The following CADM2 variants were observed in gnomAD, a reference collection of about 807,000 sequenced individuals.
CADM2 encodes cell adhesion molecule 2.
In CADM2, 12 loss-of-function variants were observed where a neutral mutation model predicts 49.8. The observed-to-expected ratio is 0.24, with a 90% CI of 0.15 to 0.39. The LOEUF is 0.39. Among genes scored for constraint, CADM2 ranks in the 10% least tolerant of loss-of-function variants. CADM2 has a pLI of 1.00. For missense variants in CADM2, 378 were observed against 492.3 expected (o/e 0.77, Z 2.20); for synonymous variants, 214 against 175.4 (o/e 1.22, Z -1.74).
intron 1 of CADM2, among the ~76,000 whole-genome samples, chr3:84,972,954 G>A (rs1047949114): frequency 6.6e-5 from 10 of 151,578 alleles, no homozygotes; most frequent in South Asian, 4.2e-4. Context: ...TTGCTCTGTC[G>A]CCCAGGCTAG....
rs76120023 is a variant in CADM2 at position 85,289,922 on chromosome 3, G to A, written c.61+330254G>A. Among the ~76,000 whole-genome samples the A allele has an allele frequency of 9.4e-4, 143 of 152,264 alleles. 2 individuals are homozygous for A. The Middle Eastern group carries it at 0.024, about 25-fold the overall frequency. On this transcript the variant is annotated intron_variant, in intron 1 of 9. Coordinates refer to ENST00000383699, the MANE Select transcript of CADM2 (RefSeq NM_001167675.2). The stretch of plus-strand genomic sequence containing the variant: ...TTAACTAAGGTTATATATCTAAGAA[G>A]TAGTAAATGGAGGAGCCAAGATGGC...
intron 1 of CADM2, among the ~76,000 whole-genome samples, chr3:85,241,164 A>G (rs2107835678): frequency 6.6e-6 from 1 of 151,686 alleles, no homozygotes; most frequent in African/African-American, 2.4e-5. Flanking sequence ...AGATTGACAG[A>G]AAAGCAACAA....
intron 5 of CADM2, among the ~76,000 whole-genome samples, chr3:85,911,282 A>G (rs1717550118): frequency 6.6e-6 from 1 of 152,158 alleles, no homozygotes; most frequent in Admixed American, 6.5e-5. Context: ...CTTATCAGCT[A>G]CTTCAGACTT....
intron 8 of CADM2, among the ~76,000 whole-genome samples, chr3:86,029,960 G>A (rs564133236): frequency 6.6e-6 from 1 of 152,018 alleles, no homozygotes; most frequent in African/African-American, 2.4e-5. Context: ...CTTTCTGAAA[G>A]CAAGCAGAGG....
intron 1 of CADM2, among the ~76,000 whole-genome samples, chr3:84,966,213 G>T (rs973640894): frequency 1.3e-5 from 2 of 152,050 alleles, no homozygotes; most frequent in Admixed American, 1.3e-4. Flanking sequence ...CTTAAGTAGG[G>T]ATCAGTTAAA....
At chr3:85,484,554 G>T (rs2039341794) in intron 1 of CADM2, among the ~76,000 whole-genome samples, 1 of 151,816 alleles carries the variant, frequency 6.6e-6, no homozygotes, top group South Asian at 2.1e-4. Flanking sequence ...AGTTATTCTA[G>T]TTTAGGGGGC....
intron 1 of CADM2, among the ~76,000 whole-genome samples, chr3:85,102,139 C>T (rs2038038037): frequency 6.6e-6 from 1 of 152,188 alleles, no homozygotes; most frequent in Admixed American, 6.5e-5. Flanking sequence ...CTTAATCTGG[C>T]TCAGAGCTCC....
chr3:85,263,708 A>G (rs535105357), intron 1 of CADM2, among the ~76,000 whole-genome samples: 1 of 152,204 alleles, frequency 6.6e-6, no homozygotes, highest in Non-Finnish European at 1.5e-5. Context: ...TAATTACATC[A>G]ATATCAACCT....
chr3:85,177,580 T>G (rs1484477443), intron 1 of CADM2, among the ~76,000 whole-genome samples: 1 of 151,896 alleles, frequency 6.6e-6, no homozygotes, highest in African/African-American at 2.4e-5. Context: ...ATAGAGAGCT[T>G]GAAACAAGGT....
chr3:85,591,513 T>C (rs2063107295), intron 1 of CADM2, among the ~76,000 whole-genome samples: 1 of 152,074 alleles, frequency 6.6e-6, no homozygotes, highest in Admixed American at 6.6e-5. Context: ...TATACGGAAA[T>C]TTCACCACCA....
chr3:85,949,929 A>T (rs999721418), intron 7 of CADM2, among the ~76,000 whole-genome samples: 19 of 151,066 alleles, frequency 1.3e-4, no homozygotes, highest in Non-Finnish European at 2.5e-4. Flanking sequence ...TAGGCTTCTG[A>T]TTGATTAGGA....
intron 8 of CADM2, among the ~76,000 whole-genome samples, chr3:85,980,195 GA>G (rs1727303554): frequency 6.6e-6 from 1 of 151,232 alleles, no homozygotes; most frequent in African/African-American, 2.4e-5. Context: ...TAATATCTGT[GA>G]AATTTAACAA....
At chr3:85,442,779 C>A (rs985443479) in intron 1 of CADM2, among the ~76,000 whole-genome samples, 1 of 150,848 alleles carries the variant, frequency 6.6e-6, no homozygotes, top group African/African-American at 2.4e-5. Flanking sequence ...CCTAAGACAA[C>A]CTGCATGAAT....
intron 1 of CADM2, among the ~76,000 whole-genome samples, chr3:85,520,813 CTG>C (rs1346129553): frequency 6.6e-6 from 1 of 151,970 alleles, no homozygotes; most frequent in Non-Finnish European, 1.5e-5. Flanking sequence ...TAAGTAATAA[CTG>C]AGTTTAATTC....
At chr3:85,672,444 G>C (rs552843600) in intron 1 of CADM2, among the ~76,000 whole-genome samples, 1 of 151,974 alleles carries the variant, frequency 6.6e-6, no homozygotes, top group East Asian at 1.9e-4. Flanking sequence ...CGCTCGCCTT[G>C]GCTTTCTAGG....
intron 1 of CADM2, among the ~76,000 whole-genome samples, chr3:85,099,712 C>T (rs1291683372): frequency 7.2e-5 from 11 of 152,084 alleles, no homozygotes; most frequent in African/African-American, 2.4e-4. Context: ...TCAGGTGATC[C>T]GCCCGCCTCA....
intron 8 of CADM2, among the ~76,000 whole-genome samples, chr3:85,991,876 A>G (rs1381616245): frequency 6.6e-6 from 1 of 152,082 alleles, no homozygotes; most frequent in Non-Finnish European, 1.5e-5. Flanking sequence ...CATCTTTGAT[A>G]TATTGACCTA....
At chr3:85,308,282 T>G (rs543790465) in intron 1 of CADM2, among the ~76,000 whole-genome samples, 1 of 149,188 alleles carries the variant, frequency 6.7e-6, no homozygotes, top group Non-Finnish European at 1.5e-5. Context: ...TTTATTTATT[T>G]AAATATCTAT....
chr3:85,188,424 C>G (rs1309593289), intron 1 of CADM2, among the ~76,000 whole-genome samples: 1 of 152,078 alleles, frequency 6.6e-6, no homozygotes, highest in Non-Finnish European at 1.5e-5. Context: ...ACACAAAATT[C>G]AGAATGATAA....
Sources: allele counts gnomAD v4.1 joint callset (sites outside exome capture counted in the v4.1 genomes callset), GRCh38; gene constraint gnomAD v4.1.1; transcripts MANE v1.5; gene names NCBI Gene and HGNC (gene_info 2026-07-23, HGNC 2026-07-21).